The following TBC1D24 variants were observed in gnomAD, a reference collection of about 807,000 sequenced individuals.
The protein encoded by TBC1D24 is Infantile myoclonic epilepsy.
TBC1D24 carries 47 observed loss-of-function variants against 50.7 expected under a neutral mutation model. That is an observed-to-expected ratio of 0.93 (90% CI 0.73 to 1.18). The LOEUF is 1.18. TBC1D24 is among the 50% of genes most tolerant of loss of function. TBC1D24 has a pLI of 0.00. For missense variants in TBC1D24, 688 were observed against 766.5 expected (o/e 0.90, Z 1.21); for synonymous variants, 324 against 335.2 (o/e 0.97, Z 0.36).
Position 2,487,810 on chromosome 16 carries a change from G to A in TBC1D24, c.-115-8224G>A, listed in dbSNP as rs191713952. On this transcript the variant is annotated intron_variant, in intron 1 of 7. Transcript: ENST00000646147. This position sits in a 1 kb window ranked among gnomAD's most constrained non-coding sequence, Gnocchi z 4.1. ...TCGTGGGAGGGCCCTGGTACTAGAA[G>A]TGGCCGAGTGCCCTGAAGTCCCAGA... 1.3e-5 allele frequency among the ~76,000 whole-genome samples: 2 copies of A among 152,256 alleles called. No individual in the cohort carries two copies. The highest frequency in any genetic ancestry group is 4.8e-5 in the African/African-American group (2 of 41,550).
At position 2,501,658 on chromosome 16, in the gene TBC1D24, C is replaced by T. The variant is rs573863703; in HGVS notation, c.*700C>T. On this transcript the variant is annotated 3_prime_UTR_variant, in exon 8 of 8. Transcript: ENST00000646147. ...TGGGATTTGTGCTGGGCTCCACCCC[C>T]AGGGAGGGTGGGAGCTGGAGGGGGA... 2.0e-5 allele frequency: 3 copies of T among 152,394 alleles called. No individual in the cohort carries two copies. The highest frequency in any genetic ancestry group is 7.3e-5 in the African/African-American group (3 of 41,328). The allele number at this position is 152,394 out of a possible 1,614,324, so 9.4% of individuals were successfully genotyped here. A position where few individuals can be genotyped will look rare whatever the true frequency, so the allele number is the denominator to read the frequency against.
In TBC1D24 at chr16:2,482,136, T is replaced by C. The variant is rs2065614700; in HGVS notation, c.-116+6966T>C. 1 of 152,276 alleles carries C rather than the reference T, an allele frequency of 6.6e-6. No individual in the cohort carries two copies. The highest frequency in any genetic ancestry group is 1.5e-5 in the Non-Finnish European group (1 of 68,066). 9.4% of individuals were successfully genotyped at this position (152,276 alleles called of 1,614,324 possible). ...GGTGGACTAGTAATGCTCCCTGTTG[T>C]TATTTGGCCTTCAAAATTAAATTTG... On this transcript the variant is annotated intron_variant, in intron 1 of 7. Transcript: ENST00000646147. This position sits in a 1 kb window ranked among gnomAD's most constrained non-coding sequence, Gnocchi z 5.2.
rs1239858265 is a variant in TBC1D24 at position 2,502,137 on chromosome 16, G to A, written c.*1179G>A. The A allele has an allele frequency of 6.6e-6, 1 of 152,620 alleles. No homozygotes were observed. The highest frequency in any genetic ancestry group is 1.5e-5 in the Non-Finnish European group (1 of 68,336). 9.5% of individuals were successfully genotyped at this position (152,620 alleles called of 1,614,324 possible). A position where few individuals can be genotyped will look rare whatever the true frequency, so the allele number is the denominator to read the frequency against. On this transcript the variant is annotated 3_prime_UTR_variant, in exon 8 of 8. Coordinates refer to ENST00000646147, the MANE Select transcript of TBC1D24 (RefSeq NM_001199107.2). ...GGCCACGTGTCAGGGTTTTCTGTGA[G>A]CCTCTCACCTTACAGCCTTTGGGCC... is the stretch of plus-strand genomic sequence containing the variant.
chr16:2,490,601 C>T (rs955880784), intron 1 of TBC1D24, among the ~76,000 whole-genome samples: 1 of 152,218 alleles, frequency 6.6e-6, no homozygotes, highest in Non-Finnish European at 1.5e-5. Flanking sequence ...CTGCACCCCA[C>T]CCTGTCAGTC....
Position 2,499,803 on chromosome 16 carries a change from C to T in TBC1D24, c.1207-32C>T, listed in dbSNP as rs113857407. On this transcript the variant is annotated intron_variant, in intron 5 of 7. Coordinates refer to ENST00000646147, the MANE Select transcript of TBC1D24 (RefSeq NM_001199107.2). The surrounding 1 kb of genome is among the most constrained non-coding windows in gnomAD (Gnocchi z 4.0). ...GCACAGGGACGCTCCTGGGGGCCTGCGGGCACAGCCTCACCCAGACCTTTC... is the reference window on the plus strand; with the variant it reads ...GCACAGGGACGCTCCTGGGGGCCTGTGGGCACAGCCTCACCCAGACCTTTC... 115 of 1,587,758 alleles carry T rather than the reference C, an allele frequency of 7.2e-5. No homozygotes were observed. The highest frequency in any genetic ancestry group is 1.7e-4 in the Middle Eastern group (1 of 6,040).
intron 1 of TBC1D24, 120 bp from the exon 2 acceptor site, chr16:2,495,914 G>A: frequency 1.9e-6 from 1 of 529,400 alleles, no homozygotes; most frequent in Non-Finnish European, 3.3e-6. Flanking sequence ...CTCCAACCTG[G>A]GCAACAGAGC....
Position 2,501,547 on chromosome 16 carries a change from G to A in TBC1D24, c.*589G>A, listed in dbSNP as rs1236010008. Reference sequence around the variant, plus strand: ...CCCCAGTTCCCTCCCCAGGCCTCCTGGGCCACCTCTCACATTAACCCTTCT... The same window carrying A: ...CCCCAGTTCCCTCCCCAGGCCTCCTAGGCCACCTCTCACATTAACCCTTCT... On this transcript the variant is annotated 3_prime_UTR_variant, in exon 8 of 8. Coordinates refer to ENST00000646147, the MANE Select transcript of TBC1D24 (RefSeq NM_001199107.2). 2 of 153,920 alleles carry A rather than the reference G, an allele frequency of 1.3e-5. No homozygotes were observed. The highest frequency in any genetic ancestry group is 2.9e-5 in the Non-Finnish European group (2 of 69,304). The allele number at this position is 153,920 out of a possible 1,614,324, so 9.5% of individuals were successfully genotyped here. A position where few individuals can be genotyped will look rare whatever the true frequency, so the allele number is the denominator to read the frequency against.
Position 2,499,502 on chromosome 16 carries a change from G to A in TBC1D24, c.1206+82G>A, listed in dbSNP as rs2065772470. The A allele has an allele frequency of 2.1e-5, 27 of 1,300,128 alleles. No individual in the cohort carries two copies. In the South Asian group the frequency reaches 3.2e-4, roughly 15 times the overall value. 80.5% of individuals were successfully genotyped at this position (1,300,128 alleles called of 1,614,324 possible). A position where few individuals can be genotyped will look rare whatever the true frequency, so the allele number is the denominator to read the frequency against. Reference sequence around the variant, plus strand: ...ATGGGCTCCAGGGCTGGCTCTGATGGGCTTCAGGGCCTAGGCCTCCTGGGC... The same window carrying A: ...ATGGGCTCCAGGGCTGGCTCTGATGAGCTTCAGGGCCTAGGCCTCCTGGGC... On this transcript the variant is annotated intron_variant, in intron 5 of 7. Coordinates refer to ENST00000646147, the MANE Select transcript of TBC1D24 (RefSeq NM_001199107.2). The surrounding 1 kb of genome is among the most constrained non-coding windows in gnomAD (Gnocchi z 4.0).
chr16:2,503,383 T>C lies in TBC1D24; in HGVS notation c.*2425T>C, dbSNP rs972655301. On this transcript the variant is annotated 3_prime_UTR_variant, in exon 8 of 8. Transcript: ENST00000646147. The stretch of plus-strand genomic sequence containing the variant: ...GTATTCCCAAATAGAACATAATTTA[T>C]TTTGTTAATGTTCTCTATTTCTTCT... 4 of 152,204 alleles carry C rather than the reference T, an allele frequency of 2.6e-5. No individual in the cohort carries two copies. Among genetic ancestry groups the C allele is most frequent in the Non-Finnish European group, 5.9e-5 (4 of 68,048 alleles). 9.4% of individuals were successfully genotyped at this position (152,204 alleles called of 1,614,324 possible).
intron 1 of TBC1D24, among the ~76,000 whole-genome samples, chr16:2,490,267 C>G (rs1449136697): frequency 2.0e-5 from 3 of 152,164 alleles, no homozygotes; most frequent in Non-Finnish European, 2.9e-5. Flanking sequence ...AGGCTGAGGA[C>G]CAAAGACAGG....
Position 2,500,740 on chromosome 16 carries a change from G to C in TBC1D24, c.1526-64G>C. 6.5e-7 allele frequency: 1 copy of C among 1,547,568 alleles called. No homozygotes were observed. Among genetic ancestry groups the C allele is most frequent in the Non-Finnish European group, 8.7e-7 (1 of 1,150,958 alleles). Reference sequence around the variant, plus strand: ...GCAGGGCAGGACAGCTGGGACAGCAGGTGAGGTGCCTGGGTCAGTGCTGAT... The same window carrying C: ...GCAGGGCAGGACAGCTGGGACAGCACGTGAGGTGCCTGGGTCAGTGCTGAT... On this transcript the variant is annotated intron_variant, in intron 7 of 7. Transcript: ENST00000646147. The surrounding 1 kb of genome is among the most constrained non-coding windows in gnomAD (Gnocchi z 8.0).
intron 2 of TBC1D24, 51 bp from the exon 3 acceptor site, chr16:2,497,659 T>C (rs2065755240): frequency 1.3e-6 from 2 of 1,526,720 alleles, no homozygotes; most frequent in Non-Finnish European, 1.8e-6. Flanking sequence ...AACCTCTCTT[T>C]GTCTGTTTTA....
chr16:2,497,566 T>A (rs1338870804), intron 2 of TBC1D24, 144 bp from the exon 3 acceptor site: 1 of 791,386 alleles, frequency 1.3e-6, no homozygotes, highest in Non-Finnish European at 2.1e-6. Context: ...AGCGCTGTGA[T>A]GGTGCCACGC....
In TBC1D24 at chr16:2,486,423, C is replaced by T. The variant is rs746250781; in HGVS notation, c.-115-9611C>T. On this transcript the variant is annotated intron_variant, in intron 1 of 7. Transcript: ENST00000646147. The surrounding 1 kb of genome is among the most constrained non-coding windows in gnomAD (Gnocchi z 5.8). ...GACGCCCATGCCCTGTTCTGTGGCC[C>T]GTGACTGAGGTCCAGCCACACAGAA... Among the ~76,000 whole-genome samples, 2 of 152,256 alleles carry T rather than the reference C, an allele frequency of 1.3e-5. No individual in the cohort carries two copies. The highest frequency in any genetic ancestry group is 2.9e-5 in the Non-Finnish European group (2 of 68,048).
chr16:2,495,995 T>G (rs1031770833), intron 1 of TBC1D24, 39 bp from the exon 2 acceptor site: 1 of 961,684 alleles, frequency 1.0e-6, no homozygotes, highest in Non-Finnish European at 1.6e-6. Flanking sequence ...ATGTGAACCT[T>G]GAAACACAGA....
At chr16:2,497,613 C>A (rs2065754754) in intron 2 of TBC1D24, 97 bp from the exon 3 acceptor site, 4 of 1,268,872 alleles carry the variant, frequency 3.2e-6, no homozygotes, top group Non-Finnish European at 4.4e-6. Flanking sequence ...TTCTTCTGGG[C>A]CAGCAAAGGC....
At chr16:2,480,715 C>CCGG (rs1240052242) in intron 1 of TBC1D24, 1 of 152,252 alleles carries the variant, frequency 6.6e-6, no homozygotes, top group Non-Finnish European at 1.5e-5. Flanking sequence ...GATCCCTTTC[C>CCGG]CGGCAAGGGT....
rs886051861 is a variant in TBC1D24 at position 2,503,506 on chromosome 16, T to C, written c.*2548T>C. 20 of 151,426 alleles carry C rather than the reference T, an allele frequency of 1.3e-4. No homozygotes were observed. The highest frequency in any genetic ancestry group is 2.9e-5 in the Non-Finnish European group (2 of 67,884). 9.4% of individuals were successfully genotyped at this position (151,426 alleles called of 1,614,324 possible). A position where few individuals can be genotyped will look rare whatever the true frequency, so the allele number is the denominator to read the frequency against. ...TGTTTAAAAAAAAAAAAAGCCAACATTTGTTGAAACTGCATAATAAATTAT... is the reference window on the plus strand; with the variant it reads ...TGTTTAAAAAAAAAAAAAGCCAACACTTGTTGAAACTGCATAATAAATTAT... On this transcript the variant is annotated 3_prime_UTR_variant, in exon 8 of 8. Coordinates refer to ENST00000646147, the MANE Select transcript of TBC1D24 (RefSeq NM_001199107.2).
intron 1 of TBC1D24, chr16:2,476,710 AG>A (rs2065571890): frequency 6.6e-6 from 1 of 152,256 alleles, no homozygotes. Context: ...AAGTGGATCA[AG>A]GTCCTTTTGT....
Sources: gnomAD v4.1 joint callset for allele counts (sites outside exome capture counted in the v4.1 genomes callset) on GRCh38, gnomAD v4.1.1 for gene constraint, Gnocchi (gnomAD v3.1) non-coding constraint, MANE v1.5 for transcripts, NCBI Gene and HGNC (gene_info 2026-07-23, HGNC 2026-07-21) for gene names.